GRM3: variants seen among roughly 807,000 people sequenced by gnomAD.
The protein encoded by GRM3 is metabotropic glutamate receptor 3.
GRM3 carries 26 observed loss-of-function variants against 70.5 expected under a neutral mutation model. The observed-to-expected ratio is 0.37, with a 90% CI of 0.27 to 0.51. The LOEUF is 0.51. Ranked by LOEUF, GRM3 falls within the 20% of genes least tolerant of loss-of-function variation. GRM3 has a pLI of 0.93. For synonymous variants in GRM3, 443 were observed against 434.9 expected (o/e 1.02, Z -0.23); for missense variants, 859 against 1,123.8 (o/e 0.76, Z 3.37).
Position 86,864,242 on chromosome 7 carries a change from T to C in GRM3, c.2567-40T>C, listed in dbSNP as rs750667170. On this transcript the variant is annotated intron_variant, in intron 5 of 5. Coordinates refer to ENST00000361669, the MANE Select transcript of GRM3 (RefSeq NM_000840.3). Reference sequence around the variant, plus strand: ...TCATGCTATTACCTTTGTGTCCCACTTGACTAACTTTGAGTTTTCTGTCCC... The same window carrying C: ...TCATGCTATTACCTTTGTGTCCCACCTGACTAACTTTGAGTTTTCTGTCCC... 1.1e-5 allele frequency: 11 copies of C among 1,001,458 alleles called. No homozygotes were observed. In the South Asian group the frequency reaches 1.3e-4, roughly 12 times the overall value. The allele number at this position is 1,001,458 out of a possible 1,614,324, so 62.0% of individuals were successfully genotyped here. A position where few individuals can be genotyped will look rare whatever the true frequency, so the allele number is the denominator to read the frequency against.
chr7:86,854,378 A>C (rs1798810014), intron 5 of GRM3, among the ~76,000 whole-genome samples: 1 of 152,132 alleles, frequency 6.6e-6, no homozygotes, highest in African/African-American at 2.4e-5. Flanking sequence ...TGCTCCACAA[A>C]ACTGGAAAAG....
intron 3 of GRM3, among the ~76,000 whole-genome samples, chr7:86,819,629 A>C (rs1391621728): frequency 1.3e-5 from 2 of 152,154 alleles, no homozygotes; most frequent in African/African-American, 4.8e-5. Flanking sequence ...ATGATCAGCA[A>C]CCAAAGAATG....
chr7:86,784,851 T>C (rs1209093576), intron 2 of GRM3, among the ~76,000 whole-genome samples: 2 of 152,234 alleles, frequency 1.3e-5, no homozygotes, highest in Non-Finnish European at 2.9e-5. Flanking sequence ...GGAAAAGATA[T>C]AGAAGATATT....
intron 4 of GRM3, among the ~76,000 whole-genome samples, chr7:86,846,171 A>C (rs1458119449): frequency 2.6e-5 from 4 of 152,180 alleles, no homozygotes; most frequent in Admixed American, 6.5e-5. Flanking sequence ...AAGCGCCCAA[A>C]TACAAATCAG....
chr7:86,685,603 T>C (rs2115993965), intron 1 of GRM3, among the ~76,000 whole-genome samples: 1 of 152,216 alleles, frequency 6.6e-6, no homozygotes, highest in East Asian at 1.9e-4. Context: ...TCAGTTTCCT[T>C]ATCTATAAAG....
chr7:86,652,849 G>A (rs948987343), intron 1 of GRM3, among the ~76,000 whole-genome samples: 3 of 152,162 alleles, frequency 2.0e-5, no homozygotes, highest in African/African-American at 7.2e-5. Flanking sequence ...TCACTTTGAA[G>A]TTTACTTAAA....
chr7:86,696,467 A>T (rs1794819791), intron 1 of GRM3, among the ~76,000 whole-genome samples: 1 of 152,330 alleles, frequency 6.6e-6, no homozygotes, highest in South Asian at 2.1e-4. Context: ...AAAAGAGGAT[A>T]GCCCTGCTGA....
At chr7:86,804,170 C>G (rs1797739692) in intron 3 of GRM3, among the ~76,000 whole-genome samples, 1 of 152,066 alleles carries the variant, frequency 6.6e-6, no homozygotes, top group Non-Finnish European at 1.5e-5. Flanking sequence ...AAAAATTGCA[C>G]TGGAGGCAAA....
At chr7:86,665,215 T>C (rs73398420) in intron 1 of GRM3, among the ~76,000 whole-genome samples, 5,649 of 152,140 alleles carry the variant, frequency 0.037, 349 homozygotes, top group African/African-American at 0.13. Context: ...GAACATCGCA[T>C]GTGCTCTGGG....
At chr7:86,695,803 A>G (rs1451223062) in intron 1 of GRM3, among the ~76,000 whole-genome samples, 3 of 152,192 alleles carry the variant, frequency 2.0e-5, no homozygotes, top group Non-Finnish European at 4.4e-5. Flanking sequence ...AAAACTCACA[A>G]TATCTAGATC....
intron 1 of GRM3, among the ~76,000 whole-genome samples, chr7:86,707,371 G>C (rs1326884320): frequency 2.0e-5 from 3 of 152,034 alleles, no homozygotes; most frequent in Non-Finnish European, 4.4e-5. Flanking sequence ...GGCGAATAAT[G>C]ATACCTCCTC....
chr7:86,836,894 G>A (rs972326100), intron 3 of GRM3, among the ~76,000 whole-genome samples: 4 of 152,084 alleles, frequency 2.6e-5, no homozygotes, highest in South Asian at 2.1e-4. Flanking sequence ...AGACAGAAAC[G>A]AGAATCACAC....
chr7:86,862,887 A>G (rs1798986917), intron 5 of GRM3, among the ~76,000 whole-genome samples: 1 of 152,154 alleles, frequency 6.6e-6, no homozygotes, highest in African/African-American at 2.4e-5. Flanking sequence ...GGGGTCAATT[A>G]TATATCCACT....
chr7:86,659,797 A>G (rs1793845806), intron 1 of GRM3, among the ~76,000 whole-genome samples: 1 of 152,050 alleles, frequency 6.6e-6, no homozygotes, highest in Admixed American at 6.6e-5. Flanking sequence ...ATTACATTTT[A>G]AAGCTTTATT....
intron 1 of GRM3, among the ~76,000 whole-genome samples, chr7:86,756,580 A>G (rs1262771445): frequency 1.3e-5 from 2 of 152,142 alleles, no homozygotes; most frequent in Non-Finnish European, 2.9e-5. Context: ...TATCATTAAT[A>G]TTGTTGTTAC....
Position 86,814,025 on chromosome 7 carries a change from A to G in GRM3, c.1325-24814A>G, listed in dbSNP as rs906741940. On this transcript the variant is annotated intron_variant, in intron 3 of 5. Transcript: ENST00000361669. ...AATTTTCCAGACTAGACAGCTTTTT[A>G]AAAAGTCCTTGAAGGAAAGTAGACT... 1.4e-4 allele frequency among the ~76,000 whole-genome samples: 21 copies of G among 151,888 alleles called. 2 individuals carry two copies. The South Asian group carries it at 3.1e-3, about 23-fold the overall frequency.
intron 1 of GRM3, among the ~76,000 whole-genome samples, chr7:86,725,310 C>T (rs1795565760): frequency 6.6e-6 from 1 of 152,054 alleles, no homozygotes; most frequent in Non-Finnish European, 1.5e-5. Context: ...TAAAGATCAC[C>T]TCAATCTGAA....
chr7:86,799,577 A>T (rs1584252494), intron 3 of GRM3, among the ~76,000 whole-genome samples: 1 of 151,962 alleles, frequency 6.6e-6, no homozygotes, highest in East Asian at 1.9e-4. Context: ...CCCAGGCTGG[A>T]GTGCAGTGGT....
At chr7:86,729,620 G>T (rs753737223) in intron 1 of GRM3, among the ~76,000 whole-genome samples, 1 of 151,996 alleles carries the variant, frequency 6.6e-6, no homozygotes, top group African/African-American at 2.4e-5. Context: ...TAATATATAC[G>T]CATATGAAAT....
Sources: allele counts gnomAD v4.1 joint callset (sites outside exome capture counted in the v4.1 genomes callset), GRCh38; gene constraint gnomAD v4.1.1; transcripts MANE v1.5; gene names NCBI Gene and HGNC (gene_info 2026-07-23, HGNC 2026-07-21).